Variants in DSC2 observed in about 807,000 individuals in gnomAD.
The protein encoded by DSC2 is desmocollin 2.
In DSC2, 51 loss-of-function variants were observed where a neutral mutation model predicts 87.6. The ratio of observed to expected loss-of-function variants is 0.58; its 90% CI spans 0.46 to 0.74. The LOEUF (loss-of-function observed/expected upper bound fraction) is 0.74, where lower values mean the gene tolerates loss of function less well. Among genes scored for constraint, DSC2 ranks in the 30% least tolerant of loss-of-function variants. The probability of loss-of-function intolerance (pLI) is 0.00; values close to 1 mark genes in which losing one functional copy is unlikely to be tolerated. For missense variants in DSC2, 1,066 were observed against 1,089.5 expected (o/e 0.98, Z 0.30); for synonymous variants, 383 against 393.2 (o/e 0.97, Z 0.31).
At chr18:31,074,628 G>T in intron 12 of DSC2, 55 bp downstream of exon 12, 3 of 1,417,110 alleles carry the variant, frequency 2.1e-6, no homozygotes, top group South Asian at 2.5e-5. Context: ...AAAAAAAAAA[G>T]TATCGCAGAC....
rs754241538 is a variant in DSC2 at position 31,071,604 on chromosome 18, CA to C, written c.2125del (p.Cys709AlafsTer19). 2 of 1,613,376 alleles carry C rather than the reference CA, an allele frequency of 1.2e-6. No homozygotes were observed. Among genetic ancestry groups the C allele is most frequent in the Non-Finnish European group, 8.5e-7 (1 of 1,179,336 alleles). On this transcript the variant is annotated frameshift_variant and splice_region_variant, in exon 13 of 16. Transcript: ENST00000280904. LOFTEE classifies it high-confidence loss of function. ...AILLGIALLF[C>X]ILFTLVCGAS... Reference sequence around the variant, plus strand: ...AATTCAAGAAAGGACTTAAGACTTACAAAAGAGCAATGCTATGCCCAACAAT... The same window carrying C: ...AATTCAAGAAAGGACTTAAGACTTACAAAGAGCAATGCTATGCCCAACAAT...
intron 11 of DSC2, among the ~76,000 whole-genome samples, chr18:31,079,590 T>C (rs1268241251): frequency 6.6e-6 from 1 of 152,212 alleles, no homozygotes; most frequent in Admixed American, 6.5e-5. Flanking sequence ...TCTCAATTTT[T>C]AATAATTTTA....
chr18:31,077,990 T>C (rs954204186), intron 11 of DSC2, among the ~76,000 whole-genome samples: 6 of 152,140 alleles, frequency 3.9e-5, no homozygotes, highest in African/African-American at 1.4e-4. Context: ...GGAAGGCAGT[T>C]AAGACCAGAA....
In DSC2 at chr18:31,080,245, T is replaced by C. The variant is rs1555638728; in HGVS notation, c.1371A>G (p.Thr457=). ...ASPRSAMSTA[T]VTVNVEDQDE... ...CCTGATCTTCTACATTAACAGTAAC[T>C]GTTGCTGTGCTCATGGCTGATCTTG... Residue 457 remains threonine, a synonymous_variant, in exon 10 of 16, where the codon ACA becomes ACG. Coordinates refer to ENST00000280904, the MANE Select transcript of DSC2 (RefSeq NM_024422.6). The C allele has an allele frequency of 1.9e-6, 3 of 1,614,116 alleles. No homozygotes were observed. The highest frequency in any genetic ancestry group is 1.6e-4 in the Middle Eastern group (1 of 6,062).
intron 7 of DSC2, among the ~76,000 whole-genome samples, chr18:31,083,545 T>C (rs530738813): frequency 6.6e-6 from 1 of 152,106 alleles, no homozygotes; most frequent in Non-Finnish European, 1.5e-5. Flanking sequence ...TACATTCTTA[T>C]GTTCAAAAAA....
rs1126215 is a variant in DSC2, at chr18:31,060,458, T to C, written c.*7557A>G. Reference sequence around the variant, plus strand: ...GTCTCGTCTCTACCCTCATCTCCCATCCCTGATTCACAGGCCCCTCTGAAG... The same window carrying C: ...GTCTCGTCTCTACCCTCATCTCCCACCCCTGATTCACAGGCCCCTCTGAAG... On this transcript the variant is annotated 3_prime_UTR_variant, in exon 16 of 16. Coordinates refer to ENST00000280904, the MANE Select transcript of DSC2 (RefSeq NM_024422.6). 0.66 allele frequency: 99,677 copies of C among 151,912 alleles called. 32,824 individuals are homozygous for C. Among genetic ancestry groups the C allele is most frequent in the East Asian group, 0.7 (3,588 of 5,122 alleles). 9.4% of individuals were successfully genotyped at this position (151,912 alleles called of 1,614,324 possible). A position where few individuals can be genotyped will look rare whatever the true frequency, so the allele number is the denominator to read the frequency against.
At chr18:31,085,144 A>T (rs962033744) in intron 7 of DSC2, among the ~76,000 whole-genome samples, 6 of 152,096 alleles carry the variant, frequency 3.9e-5, no homozygotes, top group African/African-American at 1.4e-4. Flanking sequence ...AAGGAATAAT[A>T]TCCACAGTGA....
chr18:31,080,105 C>A lies in DSC2; in HGVS notation c.1511G>T (p.Ser504Ile). ...KAYDPETRSS[S>I]GIRYKKLTDP... ...ATAGAATGGTAAGTACCTTATGCCACTGCTACTTCTTGTTTCTGGGTCATA... is the reference window on the plus strand; with the variant it reads ...ATAGAATGGTAAGTACCTTATGCCAATGCTACTTCTTGTTTCTGGGTCATA... Residue 504 changes from serine (S) to isoleucine (I), a missense_variant, in exon 10 of 16, where the codon AGT becomes ATT. Transcript: ENST00000280904. 1 of 1,613,990 alleles carries A rather than the reference C, an allele frequency of 6.2e-7. No homozygotes were observed. Among genetic ancestry groups the A allele is most frequent in the South Asian group, 1.1e-5 (1 of 91,082 alleles).
rs1987445358 is a variant in DSC2 at position 31,087,664 on chromosome 18, C to T, written c.775+5G>A. On this transcript the variant is annotated splice_donor_5th_base_variant and intron_variant, in intron 6 of 15. Transcript: ENST00000280904. ...TTGCCATATATTGTTTAAGGAGGTACTCACCCACTCTGCAATTTTCAAAAA... is the reference window on the plus strand; with the variant it reads ...TTGCCATATATTGTTTAAGGAGGTATTCACCCACTCTGCAATTTTCAAAAA... 6.2e-7 allele frequency: 1 copy of T among 1,610,710 alleles called. No individual in the cohort carries two copies. Among genetic ancestry groups the T allele is most frequent in the Non-Finnish European group, 8.5e-7 (1 of 1,179,266 alleles).
chr18:31,089,373 G>T, intron 5 of DSC2, 66 bp downstream of exon 5: 1 of 1,586,612 alleles, frequency 6.3e-7, no homozygotes, highest in East Asian at 2.2e-5. Flanking sequence ...TACGTGAATT[G>T]CAAATGAGAG....
intron 14 of DSC2, among the ~76,000 whole-genome samples, chr18:31,070,377 A>G (rs1018739698): frequency 6.6e-6 from 1 of 152,256 alleles, no homozygotes; most frequent in Non-Finnish European, 1.5e-5. Context: ...ATGTAAAACC[A>G]TGTTGGTAAA....
intron 5 of DSC2, among the ~76,000 whole-genome samples, 190 bp from the exon 6 acceptor site, chr18:31,088,003 C>T (rs1987463739): frequency 2.0e-5 from 3 of 152,084 alleles, no homozygotes; most frequent in African/African-American, 7.2e-5. Context: ...TTCAATATGG[C>T]ATTGTATGTT....
At chr18:31,083,098 C>T in intron 7 of DSC2, 38 bp from the exon 8 acceptor site, 1 of 1,596,316 alleles carries the variant, frequency 6.3e-7, no homozygotes, top group Non-Finnish European at 8.5e-7. Flanking sequence ...TGGGGGAAAG[C>T]ACCAACATTA....
chr18:31,097,186 G>A (rs944406367), intron 1 of DSC2, among the ~76,000 whole-genome samples: 9 of 151,792 alleles, frequency 5.9e-5, no homozygotes, highest in Non-Finnish European at 1.0e-4. Context: ...TACTCGGGAG[G>A]CTGAGGGAGG....
intron 9 of DSC2, among the ~76,000 whole-genome samples, chr18:31,082,033 G>A (rs1252528113): frequency 6.7e-6 from 1 of 149,732 alleles, no homozygotes; most frequent in Non-Finnish European, 1.5e-5. Context: ...TGTATTATAT[G>A]GACTTTTTAA....
intron 7 of DSC2, among the ~76,000 whole-genome samples, chr18:31,084,447 C>T (rs925258313): frequency 6.6e-6 from 1 of 152,066 alleles, no homozygotes; most frequent in Non-Finnish European, 1.5e-5. Context: ...ATGCTATCTT[C>T]AGATGGAAGA....
chr18:31,091,814 T>C (rs887200501), intron 3 of DSC2, among the ~76,000 whole-genome samples: 2 of 152,148 alleles, frequency 1.3e-5, no homozygotes, highest in Non-Finnish European at 2.9e-5. Context: ...AAATCCATTC[T>C]ACGGTAAAGC....
chr18:31,084,482 A>G (rs949569323), intron 7 of DSC2, among the ~76,000 whole-genome samples: 1 of 152,158 alleles, frequency 6.6e-6, no homozygotes, highest in Non-Finnish European at 1.5e-5. Context: ...TAAAGGGACT[A>G]AAAGGTTGTA....
Position 31,102,022 on chromosome 18 carries a change from G to A in DSC2, c.-51C>T. 1 of 1,379,954 alleles carries A rather than the reference G, an allele frequency of 7.2e-7. No individual in the cohort carries two copies. Among genetic ancestry groups the A allele is most frequent in the Non-Finnish European group, 9.4e-7 (1 of 1,065,806 alleles). 85.5% of individuals were successfully genotyped at this position (1,379,954 alleles called of 1,614,324 possible). A position where few individuals can be genotyped will look rare whatever the true frequency, so the allele number is the denominator to read the frequency against. On this transcript the variant is annotated 5_prime_UTR_variant, in exon 1 of 16. Transcript: ENST00000280904. ...GCCGAGCGTCGGGCCGGGGTAGGAG[G>A]GCTCCGCGGGGCGAGGGCCGCGGCC...
Sources: gnomAD v4.1 joint callset for allele counts (sites outside exome capture counted in the v4.1 genomes callset) on GRCh38, gnomAD v4.1.1 for gene constraint, MANE v1.5 for transcripts, NCBI Gene and HGNC (gene_info 2026-07-23, HGNC 2026-07-21) for gene names.